The following FGD6 variants were observed in gnomAD, a reference collection of about 807,000 sequenced individuals.
FGD6 encodes the protein FYVE, RhoGEF and PH domain-containing protein 6.
In FGD6, 90 loss-of-function variants were observed where a neutral mutation model predicts 149.4. The observed-to-expected ratio is 0.60, with a 90% CI of 0.51 to 0.72. The LOEUF (loss-of-function observed/expected upper bound fraction) is 0.72, where lower values mean the gene tolerates loss of function less well. Ranked by LOEUF, FGD6 falls within the 30% of genes least tolerant of loss-of-function variation. FGD6 has a pLI of 0.00. For synonymous variants in FGD6, 527 were observed against 584.0 expected, an observed-to-expected ratio of 0.90 and a Z score of 1.41; for missense variants, 1,437 against 1,684.8, an observed-to-expected ratio of 0.85 and a Z score of 2.57.
intron 8 of FGD6, among the ~76,000 whole-genome samples, chr12:95,132,900 G>A (rs1387231370): frequency 6.6e-6 from 1 of 152,188 alleles, no homozygotes; most frequent in African/African-American, 2.4e-5. Context: ...TCATTTGACA[G>A]CTATGGAAAG....
At chr12:95,177,325 G>A (rs1475831079) in intron 2 of FGD6, among the ~76,000 whole-genome samples, 6 of 152,224 alleles carry the variant, frequency 3.9e-5, no homozygotes, top group Non-Finnish European at 8.8e-5. Context: ...GAAAAGCTGA[G>A]TTAAGAATGG....
intron 8 of FGD6, among the ~76,000 whole-genome samples, chr12:95,120,490 C>T (rs1422019912): frequency 6.6e-6 from 1 of 151,774 alleles, no homozygotes; most frequent in Non-Finnish European, 1.5e-5. Context: ...AGTTCAAGAC[C>T]AGCCTGGCCA....
At chr12:95,192,233 G>A (rs541471484) in intron 2 of FGD6, among the ~76,000 whole-genome samples, 1 of 152,120 alleles carries the variant, frequency 6.6e-6, no homozygotes, top group African/African-American at 2.4e-5. Flanking sequence ...TGCAACTGAT[G>A]AATACAAAGA....
At chr12:95,148,697 TATTATATAATACATA>T (rs1213735734) in intron 5 of FGD6, among the ~76,000 whole-genome samples, 57 of 109,498 alleles carry the variant, frequency 5.2e-4, no homozygotes, top group African/African-American at 2.0e-3. Flanking sequence ...ATATATTATA[TATTATATAATACATA>T]GCATATGTTA....
intron 3 of FGD6, among the ~76,000 whole-genome samples, chr12:95,170,120 C>T (rs1565914812): frequency 2.0e-5 from 3 of 150,402 alleles, no homozygotes; most frequent in Admixed American, 2.0e-4. Flanking sequence ...GACTCCGTCT[C>T]AAAAAAAAAG....
rs753421194 is a variant in FGD6 at position 95,107,045 on chromosome 12, T to C, written c.3334-8A>G. 6.2e-7 allele frequency: 1 copy of C among 1,601,584 alleles called. No homozygotes were observed. The highest frequency in any genetic ancestry group is 1.1e-5 in the South Asian group (1 of 89,012). Reference sequence around the variant, plus strand: ...CAGCAGGGCATCATTAAACTGAAAGTAGAAACATTTCAGGGGAGAAAGTAA... The same window carrying C: ...CAGCAGGGCATCATTAAACTGAAAGCAGAAACATTTCAGGGGAGAAAGTAA... On this transcript the variant is annotated splice_polypyrimidine_tract_variant and splice_region_variant and intron_variant, in intron 12 of 20. Transcript: ENST00000343958.
At chr12:95,194,999 C>T (rs117279825) in intron 2 of FGD6, among the ~76,000 whole-genome samples, 37 of 152,310 alleles carry the variant, frequency 2.4e-4, no homozygotes, top group Non-Finnish European at 4.0e-4. Flanking sequence ...TTCACTTCCA[C>T]TTCCAAATGC....
intron 3 of FGD6, among the ~76,000 whole-genome samples, chr12:95,165,001 C>T (rs1459920675): frequency 2.6e-5 from 4 of 152,060 alleles, no homozygotes; most frequent in African/African-American, 9.6e-5. Flanking sequence ...AAGATGAAGA[C>T]GATGAATATT....
In FGD6 at chr12:95,217,458, GAGCACT is replaced by G. The variant is rs561599031; in HGVS notation, c.-224_-219del. 2,325 of 626,196 alleles carry G rather than the reference GAGCACT, an allele frequency of 3.7e-3. 9 individuals are homozygous for G. Among genetic ancestry groups the G allele is most frequent in the Non-Finnish European group, 4.8e-3 (1,923 of 402,332 alleles). 38.8% of individuals were successfully genotyped at this position (626,196 alleles called of 1,614,324 possible). A position where few individuals can be genotyped will look rare whatever the true frequency, so the allele number is the denominator to read the frequency against. The stretch of plus-strand genomic sequence containing the variant: ...CGCGAGCCGCCGGGGTCGGGCGGGC[GAGCACT>G]AGCACCGCCCCGCAGAGCGGCAGGC... On this transcript the variant is annotated 5_prime_UTR_variant, in exon 1 of 21. Coordinates refer to ENST00000343958, the MANE Select transcript of FGD6 (RefSeq NM_018351.4).
At chr12:95,159,527 G>A (rs1041627817) in intron 3 of FGD6, among the ~76,000 whole-genome samples, 2 of 152,184 alleles carry the variant, frequency 1.3e-5, no homozygotes, top group Admixed American at 6.5e-5. Flanking sequence ...GAGAGAATTC[G>A]TAGCTAGAAT....
intron 5 of FGD6, among the ~76,000 whole-genome samples, chr12:95,143,482 G>A (rs1359730041): frequency 6.6e-6 from 1 of 152,064 alleles, no homozygotes; most frequent in Non-Finnish European, 1.5e-5. Context: ...AGTCACATTA[G>A]CCCAAAGGAG....
At chr12:95,178,592 T>C (rs1211892114) in intron 2 of FGD6, among the ~76,000 whole-genome samples, 1 of 152,238 alleles carries the variant, frequency 6.6e-6, no homozygotes, top group East Asian at 1.9e-4. Context: ...ATTATAAAGG[T>C]ATCAAATATA....
intron 5 of FGD6, among the ~76,000 whole-genome samples, chr12:95,142,314 T>C (rs1879875312): frequency 6.6e-6 from 1 of 151,798 alleles, no homozygotes; most frequent in Admixed American, 6.6e-5. Flanking sequence ...GCTGATTTTT[T>C]GTATGTTTTT....
intron 8 of FGD6, chr12:95,116,812 C>T (rs534733364): frequency 4.2e-5 from 19 of 455,924 alleles, no homozygotes; most frequent in African/African-American, 3.6e-4. Flanking sequence ...CATCTTCTTG[C>T]AGTATATCTT....
intron 2 of FGD6, among the ~76,000 whole-genome samples, chr12:95,181,172 A>AG (rs796723228): frequency 9.1e-4 from 138 of 152,340 alleles, no homozygotes; most frequent in African/African-American, 3.2e-3. Flanking sequence ...AAAGAAAAAA[A>AG]GAAGTCAGTA....
In FGD6 at chr12:95,138,153, G is replaced by A. The variant is rs184242357; in HGVS notation, c.2838-475C>T. 4.4e-3 allele frequency among the ~76,000 whole-genome samples: 663 copies of A among 151,892 alleles called. 7 individuals carry two copies. Among genetic ancestry groups the A allele is most frequent in the African/African-American group, 0.015 (627 of 41,380 alleles). ...CGGGAGGGGGAGGTTGCAGTGAGCC[G>A]AGATTGTGCCACTGCACTCCAGTCT... On this transcript the variant is annotated intron_variant, in intron 6 of 20. Transcript: ENST00000343958.
At chr12:95,144,472 A>G (rs187109048) in intron 5 of FGD6, among the ~76,000 whole-genome samples, 1 of 152,058 alleles carries the variant, frequency 6.6e-6, no homozygotes, top group Admixed American at 6.6e-5. Context: ...AGCTCACCAC[A>G]ACCTCCGCTT....
At position 95,100,718 on chromosome 12, in the gene FGD6, C is replaced by T. The variant is rs1201982542; in HGVS notation, c.3497+4289G>A. ...AATGTGAAGTTGACTGCCCTTGCAA[C>T]AGACAGTGCTGAGGACCATCTTGCC... On this transcript the variant is annotated intron_variant, in intron 14 of 20. Transcript: ENST00000343958. 7 of 532,174 alleles carry T rather than the reference C, an allele frequency of 1.3e-5. No individual in the cohort carries two copies. The East Asian group carries it at 3.1e-4, about 23-fold the overall frequency. The allele number at this position is 532,174 out of a possible 1,614,324, so 33.0% of individuals were successfully genotyped here. A position where few individuals can be genotyped will look rare whatever the true frequency, so the allele number is the denominator to read the frequency against.
At chr12:95,113,067 C>T (rs1208987661) in intron 9 of FGD6, among the ~76,000 whole-genome samples, 2 of 152,082 alleles carry the variant, frequency 1.3e-5, no homozygotes, top group East Asian at 3.9e-4. Flanking sequence ...TTCCTGACCT[C>T]AGCCACCACG....
Sources: allele counts gnomAD v4.1 joint callset (sites outside exome capture counted in the v4.1 genomes callset), GRCh38; gene constraint gnomAD v4.1.1; transcripts MANE v1.5; gene names NCBI Gene and HGNC (gene_info 2026-07-23, HGNC 2026-07-21).